ZFP28: variants seen among roughly 807,000 people sequenced by gnomAD.
The protein encoded by ZFP28 is zinc finger protein 28 homolog.
A neutral mutation model predicts 39.5 loss-of-function variants in ZFP28; 31 were observed. The observed-to-expected ratio is 0.79, with a 90% CI of 0.59 to 1.06. The LOEUF (loss-of-function observed/expected upper bound fraction) is 1.06, where lower values mean the gene tolerates loss of function less well. Among genes scored for constraint, ZFP28 ranks in the 50% least tolerant of loss-of-function variants. The pLI, the probability that ZFP28 is intolerant of heterozygous loss-of-function variation, is 0.00. For synonymous variants in ZFP28, 400 were observed against 378.6 expected, an observed-to-expected ratio of 1.06 and a Z score of -0.66; for missense variants, 925 against 1,048.4, an observed-to-expected ratio of 0.88 and a Z score of 1.63.
rs1305061516 is a variant in ZFP28 at position 56,538,961 on chromosome 19, C to T, written c.-58C>T. ...CGCTGGGCGTGGCGGGCGGGTGTGG[C>T]CAGGGGTGTGGGTCTGTGAGGGACC... is the stretch of plus-strand genomic sequence containing the variant. On this transcript the variant is annotated 5_prime_UTR_variant, in exon 1 of 8. Coordinates refer to ENST00000301318, the MANE Select transcript of ZFP28 (RefSeq NM_020828.2). The T allele has an allele frequency of 7.8e-7, 1 of 1,275,684 alleles. No homozygotes were observed. Among genetic ancestry groups the T allele is most frequent in the Non-Finnish European group, 9.9e-7 (1 of 1,006,376 alleles). 79.0% of individuals were successfully genotyped at this position (1,275,684 alleles called of 1,614,324 possible).
chr19:56,543,255 A>C (rs1184501709), intron 2 of ZFP28, among the ~76,000 whole-genome samples: 1 of 150,338 alleles, frequency 6.7e-6, no homozygotes, highest in African/African-American at 2.4e-5. Context: ...CTGTAAGTAT[A>C]AAGTTGCTTT....
chr19:56,550,139 A>T lies in ZFP28; in HGVS notation c.760A>T (p.Lys254Ter). Reference sequence around the variant, plus strand: ...ACACCCAGCTCAGAAGAATTTCTGTAAGAATGGGATATGGGAGAACAACAG... The same window carrying T: ...ACACCCAGCTCAGAAGAATTTCTGTTAGAATGGGATATGGGAGAACAACAG... ...QLHPAQKNFC[K>*]NGIWENNSDL... The change falls in exon 6 of 8, where the codon AAG becomes TAG. Residue 254 changes from lysine to a stop codon, truncating the protein, a stop_gained. Coordinates refer to ENST00000301318, the MANE Select transcript of ZFP28 (RefSeq NM_020828.2). LOFTEE classifies it high-confidence loss of function. The T allele has an allele frequency of 6.2e-7, 1 of 1,613,062 alleles. No individual in the cohort carries two copies. The highest frequency in any genetic ancestry group is 8.5e-7 in the Non-Finnish European group (1 of 1,179,682).
In ZFP28 at chr19:56,556,550, A is replaced by G. The variant is rs962426750; in HGVS notation, c.*1158A>G. 7 of 152,242 alleles carry G rather than the reference A, an allele frequency of 4.6e-5. No individual in the cohort carries two copies. Among genetic ancestry groups the G allele is most frequent in the Non-Finnish European group, 1.0e-4 (7 of 68,050 alleles). The allele number at this position is 152,242 out of a possible 1,614,324, so 9.4% of individuals were successfully genotyped here. On this transcript the variant is annotated 3_prime_UTR_variant, in exon 8 of 8. Coordinates refer to ENST00000301318, the MANE Select transcript of ZFP28 (RefSeq NM_020828.2). The stretch of plus-strand genomic sequence containing the variant: ...GCTATTGACTATGGCTGCTTTAGAC[A>G]ACTGTGACAGACTATATGGCTCGCA...
intron 2 of ZFP28, among the ~76,000 whole-genome samples, chr19:56,542,083 A>C (rs552271227): frequency 6.6e-6 from 1 of 151,932 alleles, no homozygotes; most frequent in East Asian, 1.9e-4. Flanking sequence ...CAAAATTTGC[A>C]CTTATTCATC....
At chr19:56,552,480 G>C (rs542809674) in intron 7 of ZFP28, 3 of 152,010 alleles carry the variant, frequency 2.0e-5, no homozygotes, top group Non-Finnish European at 2.9e-5. Context: ...TTTAGAGTTT[G>C]TATTCTATTC....
At chr19:56,551,339 C>T (rs536293128) in intron 7 of ZFP28, 18 of 986,628 alleles carry the variant, frequency 1.8e-5, no homozygotes, top group East Asian at 2.3e-4. Context: ...AATATAAAAC[C>T]GTGACGTTAT....
Position 56,554,740 on chromosome 19 carries a change from A to G in ZFP28, c.1955A>G (p.Lys652Arg). The G allele has an allele frequency of 3.7e-6, 6 of 1,614,166 alleles. No homozygotes were observed. Among genetic ancestry groups the G allele is most frequent in the Non-Finnish European group, 4.2e-6 (5 of 1,180,036 alleles). ...EKPYECKVCS[K>R]AFTQKAHLAQ... ...CCCTATGAATGTAAGGTTTGTAGTA[A>G]AGCGTTCACCCAGAAGGCTCACCTT... Residue 652 changes from lysine (K) to arginine (R), a missense_variant, in exon 8 of 8, where the codon AAA becomes AGA. Lys to Arg is a conservative substitution (Grantham distance 26). Coordinates refer to ENST00000301318, the MANE Select transcript of ZFP28 (RefSeq NM_020828.2). The surrounding 1 kb of genome is among the most constrained non-coding windows in gnomAD (Gnocchi z 6.7).
In ZFP28 at chr19:56,544,800, G is replaced by C. The variant is rs1276739285; in HGVS notation, c.301-2708G>C. 2.0e-5 allele frequency: 3 copies of C among 152,198 alleles called. No homozygotes were observed. In the East Asian group the frequency reaches 5.8e-4, roughly 29 times the overall value. 9.4% of individuals were successfully genotyped at this position (152,198 alleles called of 1,614,324 possible). On this transcript the variant is annotated intron_variant, in intron 2 of 7. Transcript: ENST00000301318. ...GCTATTGTTATTGCTGTTATTTACA[G>C]TAAAAGACATTTTTAAAACAAAAGT...
At chr19:56,548,336 T>G (rs1453515108) in intron 4 of ZFP28, 1 of 156,200 alleles carries the variant, frequency 6.4e-6, no homozygotes, top group Non-Finnish European at 1.4e-5. Context: ...TCACATACTT[T>G]GAGCTAGTTT....
Position 56,554,835 on chromosome 19 carries a change from CAG to C in ZFP28, c.2052_2053del (p.Gln684HisfsTer14). 6.2e-7 allele frequency: 1 copy of C among 1,614,128 alleles called. No homozygotes were observed. The highest frequency in any genetic ancestry group is 8.5e-7 in the Non-Finnish European group (1 of 1,180,004). On this transcript the variant is annotated frameshift_variant, in exon 8 of 8. Coordinates refer to ENST00000301318, the MANE Select transcript of ZFP28 (RefSeq NM_020828.2). LOFTEE classifies it low-confidence loss of function (END_TRUNC). The surrounding 1 kb of genome is among the most constrained non-coding windows in gnomAD (Gnocchi z 6.7). ...ECKECGKAFS[Q>X]TTHLIQHQRV... is the part of the protein sequence containing the mutation. ...CAAGGAATGCGGTAAAGCCTTCAGC[CAG>C]ACCACACACCTCATTCAACATCAGA...
intron 6 of ZFP28, 103 bp from the exon 7 acceptor site, chr19:56,550,407 C>G: frequency 1.9e-6 from 2 of 1,078,882 alleles, no homozygotes; most frequent in Non-Finnish European, 2.7e-6. Flanking sequence ...ACCTGTTTTT[C>G]TGTTTCTTTC....
intron 2 of ZFP28, among the ~76,000 whole-genome samples, chr19:56,543,581 T>C (rs1057057568): frequency 1.3e-5 from 2 of 151,916 alleles, no homozygotes; most frequent in African/African-American, 4.8e-5. Context: ...ATATGTATAT[T>C]AAGATGAGTT....
At chr19:56,541,040 G>T (rs2044191092) in intron 2 of ZFP28, among the ~76,000 whole-genome samples, 1 of 152,114 alleles carries the variant, frequency 6.6e-6, no homozygotes, top group African/African-American at 2.4e-5. Flanking sequence ...CCCACATGGT[G>T]GCTCCTCCCA....
At chr19:56,540,738 A>G (rs1008750658) in intron 2 of ZFP28, among the ~76,000 whole-genome samples, 6 of 152,210 alleles carry the variant, frequency 3.9e-5, no homozygotes, top group Non-Finnish European at 7.3e-5. Context: ...CAAAGACAAT[A>G]TGTAAATGAA....
rs2044346330 is a variant in ZFP28 at position 56,555,843 on chromosome 19, T to C, written c.*451T>C. The C allele has an allele frequency of 6.4e-6, 1 of 155,758 alleles. No homozygotes were observed. The highest frequency in any genetic ancestry group is 6.5e-5 in the Admixed American group (1 of 15,468). 9.6% of individuals were successfully genotyped at this position (155,758 alleles called of 1,614,324 possible). ...GTGAATGTAAGGTGATGTGACCTTG[T>C]TGGTGAGAAAATTAAACTTTACATT... On this transcript the variant is annotated 3_prime_UTR_variant, in exon 8 of 8. Coordinates refer to ENST00000301318, the MANE Select transcript of ZFP28 (RefSeq NM_020828.2).
At chr19:56,553,646 A>G (rs780245407) in intron 7 of ZFP28, 38 bp from the exon 8 acceptor site, 30 of 1,525,752 alleles carry the variant, frequency 2.0e-5, no homozygotes, top group African/African-American at 2.8e-5. Context: ...TTCCTAGCAC[A>G]CGAAAAAGGA....
intron 6 of ZFP28, 96 bp from the exon 7 acceptor site, chr19:56,550,414 T>C: frequency 1.8e-6 from 2 of 1,135,338 alleles, no homozygotes; most frequent in Non-Finnish European, 2.6e-6. Context: ...TTTCTGTTTC[T>C]TTCAGCAGTA....
intron 7 of ZFP28, chr19:56,551,988 A>G: frequency 1.0e-6 from 1 of 963,432 alleles, no homozygotes; most frequent in Non-Finnish European, 1.2e-6. Context: ...TTCAATTTTT[A>G]TATAGTCCAG....
At chr19:56,538,944 G>C, upstream of ZFP28, 1 of 1,199,540 alleles carries the variant, frequency 8.3e-7, no homozygotes, top group African/African-American at 1.6e-5. Flanking sequence ...TTCGCTGGGC[G>C]TGGCGGGCGG....
Sources: gnomAD v4.1 joint callset for allele counts (sites outside exome capture counted in the v4.1 genomes callset) on GRCh38, gnomAD v4.1.1 for gene constraint, Gnocchi (gnomAD v3.1) non-coding constraint, MANE v1.5 for transcripts, NCBI Gene and HGNC (gene_info 2026-07-23, HGNC 2026-07-21) for gene names.